Variants in PEG3 observed in about 807,000 individuals in gnomAD.
The protein encoded by PEG3 is paternally-expressed gene 3 protein.
In PEG3, 23 loss-of-function variants were observed where a neutral mutation model predicts 35.5. The ratio of observed to expected loss-of-function variants is 0.65; its 90% CI spans 0.47 to 0.92. The LOEUF (loss-of-function observed/expected upper bound fraction) is 0.92, where lower values mean the gene tolerates loss of function less well. PEG3 is among the 40% of genes least tolerant of loss of function. PEG3 has a pLI of 0.00. For missense variants in PEG3, 1,960 were observed against 1,985.3 expected (o/e 0.99, Z 0.24); for synonymous variants, 707 against 697.0 (o/e 1.01, Z -0.23).
intron 1 of PEG3, among the ~76,000 whole-genome samples, chr19:56,837,836 C>G (rs762689611): frequency 6.6e-6 from 1 of 151,912 alleles, no homozygotes; most frequent in Admixed American, 6.5e-5. Context: ...CCCCCGCCAC[C>G]GGCCAACACA....
At position 56,814,974 on chromosome 19, in the gene PEG3, ATC is replaced by A; in HGVS notation, c.3466_3467del (p.Asp1156LeufsTer8). The A allele has an allele frequency of 6.2e-7, 1 of 1,614,098 alleles. No homozygotes were observed. Among genetic ancestry groups the A allele is most frequent in the Non-Finnish European group, 8.5e-7 (1 of 1,180,008 alleles). ...HTHSISEYQRDYTGEQLYECP... is the reference protein window; with the variant it reads ...HTHSISEYQRXYTGEQLYECP... Reference sequence around the variant, plus strand: ...ATTCATACAGCTGCTCTCCAGTGTAATCTCTCTGATACTCGCTGATGGAATGG... The same window carrying A: ...ATTCATACAGCTGCTCTCCAGTGTAATCTCTGATACTCGCTGATGGAATGG... On this transcript the variant is annotated frameshift_variant, in exon 10 of 10. Transcript: ENST00000326441. LOFTEE classifies it low-confidence loss of function (END_TRUNC). The surrounding 1 kb of genome is among the most constrained non-coding windows in gnomAD (Gnocchi z 5.8).
intron 2 of PEG3, among the ~76,000 whole-genome samples, chr19:56,834,897 C>T (rs990216027): frequency 2.0e-5 from 3 of 152,172 alleles, no homozygotes; most frequent in African/African-American, 4.8e-5. Flanking sequence ...GACTCTAAGC[C>T]TGGCATGATC....
At chr19:56,818,227 C>A (rs2036004180) in intron 8 of PEG3, among the ~76,000 whole-genome samples, 1 of 152,326 alleles carries the variant, frequency 6.6e-6, no homozygotes, top group South Asian at 2.1e-4. Flanking sequence ...GCAGCACAGC[C>A]AACTGCCCAC....
intron 1 of PEG3, among the ~76,000 whole-genome samples, chr19:56,837,760 C>T (rs1295659172): frequency 6.6e-6 from 1 of 152,244 alleles, no homozygotes; most frequent in Non-Finnish European, 1.5e-5. Flanking sequence ...ACCTTGAAAT[C>T]CCCTCAGCCC....
intron 1 of PEG3, among the ~76,000 whole-genome samples, chr19:56,839,506 G>C (rs111368294): frequency 2.7e-4 from 29 of 109,350 alleles, no homozygotes; most frequent in South Asian, 6.4e-4. Flanking sequence ...CCAACCAGGG[G>C]AGCACCTGCG....
intron 3 of PEG3, among the ~76,000 whole-genome samples, 155 bp downstream of exon 3, chr19:56,826,233 G>A (rs1484790199): frequency 2.0e-5 from 3 of 152,158 alleles, no homozygotes; most frequent in African/African-American, 7.2e-5. Context: ...CCCAGGACAG[G>A]GCAAGAGCAG....
chr19:56,813,800 G>A lies in PEG3; in HGVS notation c.4642C>T (p.Arg1548Cys), dbSNP rs576263292. ...GCACCACCTGTGCTGGTGCTGGCAC[G>A]TTCGATGTAGCCTGAGCACTCCCCA... ...AFGECSGYIE[R>C]ASTSTGGANQ... Residue 1548 changes from arginine to cysteine, a missense_variant, in exon 10 of 10, where the codon CGT becomes TGT. Arg to Cys is a radical substitution (Grantham distance 180, BLOSUM62 -3). Around this residue, in one of 5 missense-constraint regions of PEG3, gnomAD observed 416 missense variants for 416.7 expected, o/e 1.00. Coordinates refer to ENST00000326441, the MANE Select transcript of PEG3 (RefSeq NM_006210.3). The A allele has an allele frequency of 7.6e-5, 123 of 1,613,984 alleles. No homozygotes were observed. Among genetic ancestry groups the A allele is most frequent in the Middle Eastern group, 1.6e-4 (1 of 6,084 alleles).
In PEG3 at chr19:56,810,831, A is replaced by T. The variant is rs955883353; in HGVS notation, c.*2844T>A. On this transcript the variant is annotated 3_prime_UTR_variant, in exon 10 of 10. Transcript: ENST00000326441. ...GTGTTGGGAATATAGGTAATTTTTT[A>T]AAATAATTTACTTTATTTTCTAATT... 80 of 970,046 alleles carry T rather than the reference A, an allele frequency of 8.2e-5. No homozygotes were observed. Among genetic ancestry groups the T allele is most frequent in the Non-Finnish European group, 9.4e-5 (77 of 816,030 alleles). The allele number at this position is 970,046 out of a possible 1,614,324, so 60.1% of individuals were successfully genotyped here. A position where few individuals can be genotyped will look rare whatever the true frequency, so the allele number is the denominator to read the frequency against.
At chr19:56,827,223 T>C (rs1568691685) in intron 2 of PEG3, among the ~76,000 whole-genome samples, 1 of 152,198 alleles carries the variant, frequency 6.6e-6, no homozygotes, top group East Asian at 1.9e-4. Flanking sequence ...CATATGTATC[T>C]TGTCACAAGG....
chr19:56,839,685 G>A (rs571224439), intron 1 of PEG3, among the ~76,000 whole-genome samples: 10 of 152,276 alleles, frequency 6.6e-5, no homozygotes, highest in African/African-American at 2.2e-4. Flanking sequence ...CACCCAATGG[G>A]TGGGGCTGGA....
At chr19:56,829,708 C>G (rs1228028077) in intron 2 of PEG3, among the ~76,000 whole-genome samples, 1 of 152,242 alleles carries the variant, frequency 6.6e-6, no homozygotes, top group East Asian at 1.9e-4. Context: ...AACCCGTCCT[C>G]TACTTGCTGC....
chr19:56,832,619 G>T (rs1040100044), intron 2 of PEG3, among the ~76,000 whole-genome samples: 4 of 152,202 alleles, frequency 2.6e-5, no homozygotes, highest in Admixed American at 6.5e-5. Flanking sequence ...GCACACAAGG[G>T]CTAGCTGACT....
At chr19:56,837,934 T>C (rs1265119822) in intron 1 of PEG3, among the ~76,000 whole-genome samples, 1 of 152,216 alleles carries the variant, frequency 6.6e-6, no homozygotes, top group Non-Finnish European at 1.5e-5. Flanking sequence ...ACCCGCCACA[T>C]TGAATGCCGG....
At chr19:56,828,411 A>G (rs1215378672) in intron 2 of PEG3, among the ~76,000 whole-genome samples, 1 of 152,204 alleles carries the variant, frequency 6.6e-6, no homozygotes, top group Non-Finnish European at 1.5e-5. Flanking sequence ...TCCACTTCTG[A>G]AATCTAACTC....
rs777705311 is a variant in PEG3, at chr19:56,817,402, T to C, written c.1040A>G (p.Asp347Gly). 5.6e-6 allele frequency: 9 copies of C among 1,614,138 alleles called. 1 individual carries two copies. The South Asian group carries it at 7.7e-5, about 14-fold the overall frequency. Residue 347 changes from aspartate (D) to glycine (G), a missense_variant, in exon 10 of 10, where the codon GAT becomes GGT. Physicochemically the swap from Asp to Gly is moderately conservative, Grantham distance 94. Around this residue, in one of 5 missense-constraint regions of PEG3, gnomAD observed 613 missense variants for 577.1 expected, o/e 1.06. Coordinates refer to ENST00000326441, the MANE Select transcript of PEG3 (RefSeq NM_006210.3). ...GTTCAATGAAATGTCCTTCCAGTTA[T>C]CATCTGACATTCTGGGGAATCTCTG... ...RSQRFPRMSDDNWKDISLNKR... is the reference protein window; with the variant it reads ...RSQRFPRMSDGNWKDISLNKR...
Position 56,816,113 on chromosome 19 carries a change from A to G in PEG3, c.2329T>C (p.Ser777Pro), listed in dbSNP as rs1393926079. ...NVYEAKSYERSVIHSLASVEA... is the reference protein window; with the variant it reads ...NVYEAKSYERPVIHSLASVEA... ...ACAGAGGCTAAGCTATGAATAACAG[A>G]CCTCTCATATGATTTTGCCTCATAG... The change falls in exon 10 of 10, where the codon TCT becomes CCT. Residue 777 changes from serine to proline, a missense_variant. Transcript: ENST00000326441. 1 of 1,612,132 alleles carries G rather than the reference A, an allele frequency of 6.2e-7. No homozygotes were observed. The highest frequency in any genetic ancestry group is 1.3e-5 in the African/African-American group (1 of 74,762).
At chr19:56,832,971 A>G (rs564868655) in intron 2 of PEG3, among the ~76,000 whole-genome samples, 3 of 152,350 alleles carry the variant, frequency 2.0e-5, no homozygotes, top group Admixed American at 1.3e-4. Context: ...TACAATTAAT[A>G]TAACACATAA....
chr19:56,818,436 A>C (rs747553062), intron 8 of PEG3, among the ~76,000 whole-genome samples, 164 bp downstream of exon 8: 1 of 152,174 alleles, frequency 6.6e-6, no homozygotes, highest in Non-Finnish European at 1.5e-5. Context: ...TAAAAACACA[A>C]ATTTTATCAT....
Position 56,817,444 on chromosome 19 carries a change from T to C in PEG3, c.998A>G (p.Glu333Gly), listed in dbSNP as rs572661707. The C allele has an allele frequency of 6.2e-7, 1 of 1,614,028 alleles. No homozygotes were observed. Among genetic ancestry groups the C allele is most frequent in the East Asian group, 2.2e-5 (1 of 44,882 alleles). The change falls in exon 10 of 10, where the codon GAG becomes GGG. Residue 333 changes from glutamate to glycine, a missense_variant. Glu to Gly is a moderately conservative substitution (Grantham distance 98). This residue lies in a region of PEG3 where 613 missense variants were observed against 577.1 expected (regional missense o/e 1.06). Coordinates refer to ENST00000326441, the MANE Select transcript of PEG3 (RefSeq NM_006210.3). ...SRSSKSGRAR[E>G]SSDRSQRFPR... ...GAATCTCTGTGACCGGTCGCTTGAC[T>C]CCCTTGCTCTTCCCGATTTGGAACT...
Sources: allele counts gnomAD v4.1 joint callset (sites outside exome capture counted in the v4.1 genomes callset), GRCh38; gene constraint gnomAD v4.1.1; regional missense constraint gnomAD v4.1.1; non-coding constraint Gnocchi (gnomAD v3.1); transcripts MANE v1.5; gene names NCBI Gene and HGNC (gene_info 2026-07-23, HGNC 2026-07-21).